Variants in ZBTB39 observed in about 807,000 individuals in gnomAD.
ZBTB39 encodes zinc finger and BTB domain containing 39, also known as zinc finger and BTB domain-containing protein 39.
ZBTB39 carries 25 observed loss-of-function variants against 39.4 expected under a neutral mutation model. That is an observed-to-expected ratio of 0.63 (90% CI 0.46 to 0.89). ZBTB39 has a LOEUF of 0.89. Among genes scored for constraint, ZBTB39 ranks in the 40% least tolerant of loss-of-function variants. The pLI, the probability that ZBTB39 is intolerant of heterozygous loss-of-function variation, is 0.00. For synonymous variants in ZBTB39, 373 were observed against 359.6 expected (o/e 1.04, Z -0.42); for missense variants, 891 against 909.7 (o/e 0.98, Z 0.26).
At position 57,004,605 on chromosome 12, in the gene ZBTB39, C is replaced by T; in HGVS notation, c.313G>A (p.Val105Ile). The T allele has an allele frequency of 1.2e-6, 2 of 1,614,214 alleles. No homozygotes were observed. Among genetic ancestry groups the T allele is most frequent in the Non-Finnish European group, 1.7e-6 (2 of 1,180,044 alleles). The part of the protein sequence containing the change: ...DLINVGVIYE[V>I]AERLGMEDLL... ...TCCTCCATACCCAGACGCTCAGCTA[C>T]CTCGTAGATGACCCCAACATTGATC... Residue 105 changes from valine (V) to isoleucine (I), a missense_variant, in exon 2 of 2, where the codon GTA (valine) becomes ATA (isoleucine). Val to Ile is a conservative substitution (Grantham distance 29, BLOSUM62 3). Transcript: ENST00000300101.
rs776681889 is a variant in ZBTB39 at position 57,003,979 on chromosome 12, T to G, written c.939A>C (p.Ile313=). 6.2e-7 allele frequency: 1 copy of G among 1,614,256 alleles called. No homozygotes were observed. Among genetic ancestry groups the G allele is most frequent in the Non-Finnish European group, 8.5e-7 (1 of 1,180,048 alleles). The change falls in exon 2 of 2, where the codon ATA becomes ATC. Residue 313 remains isoleucine (I), a synonymous_variant. Transcript: ENST00000300101. This position sits in a 1 kb window ranked among gnomAD's most constrained non-coding sequence, Gnocchi z 4.8. ...DLQFEDPAED[I]GTTEEVIELS... is the part of the protein sequence containing the mutation. ...GCTCAATCACCTCCTCAGTTGTGCC[T>G]ATATCCTCAGCAGGGTCTTCAAACT... is the stretch of plus-strand genomic sequence containing the variant.
Position 57,003,323 on chromosome 12 carries a change from C to T in ZBTB39, c.1595G>A (p.Ser532Asn), listed in dbSNP as rs1956222049. 6.2e-7 allele frequency: 1 copy of T among 1,613,882 alleles called. No individual in the cohort carries two copies. Among genetic ancestry groups the T allele is most frequent in the South Asian group, 1.1e-5 (1 of 91,026 alleles). The change falls in exon 2 of 2, where the codon AGT (serine) becomes AAT (asparagine). Residue 532 changes from serine to asparagine, a missense_variant. Coordinates refer to ENST00000300101, the MANE Select transcript of ZBTB39 (RefSeq NM_014830.3). The surrounding 1 kb of genome is among the most constrained non-coding windows in gnomAD (Gnocchi z 4.8). ...GCAGTGGAAGAGGGCGTCTTCCAGA[C>T]TTTGGTGCACAGCCATGTGCTTCTC... ...LLEKHMAVHQ[S>N]LEDALFHCRL...
Position 57,002,774 on chromosome 12 carries a change from C to T in ZBTB39, c.*5G>A. The T allele has an allele frequency of 6.2e-7, 1 of 1,609,686 alleles. No homozygotes were observed. On this transcript the variant is annotated 3_prime_UTR_variant, in exon 2 of 2. Coordinates refer to ENST00000300101, the MANE Select transcript of ZBTB39 (RefSeq NM_014830.3). ...GGAGCTCCCCGTGGCTCTGCCGGGA[C>T]CCAGTCAACTGTCCGGGTTCTTATC...
In ZBTB39 at chr12:57,003,409, G is replaced by A. The variant is rs144805149; in HGVS notation, c.1509C>T (p.Leu503=). 3.3e-5 allele frequency: 54 copies of A among 1,614,220 alleles called. No individual in the cohort carries two copies. Among genetic ancestry groups the A allele is most frequent in the Non-Finnish European group, 3.9e-5 (46 of 1,180,042 alleles). The change falls in exon 2 of 2, where the codon CTC becomes CTT. Residue 503 remains leucine (L), a synonymous_variant. Coordinates refer to ENST00000300101, the MANE Select transcript of ZBTB39 (RefSeq NM_014830.3). This position sits in a 1 kb window ranked among gnomAD's most constrained non-coding sequence, Gnocchi z 4.8. Reference sequence around the variant, plus strand: ...CAGAACAGGAGAAGACTGAGATGCCGAGATGGGACAGCGTGTGCCACATGA... The same window carrying A: ...CAGAACAGGAGAAGACTGAGATGCCAAGATGGGACAGCGTGTGCCACATGA... The part of the protein sequence containing the change: ...CSLMWHTLSH[L]GISVFSCSVC...
chr12:57,004,191 A>G lies in ZBTB39; in HGVS notation c.727T>C (p.Ser243Pro), dbSNP rs778110582. The G allele has an allele frequency of 2.5e-6, 4 of 1,614,030 alleles. No individual in the cohort carries two copies. The highest frequency in any genetic ancestry group is 3.4e-6 in the Non-Finnish European group (4 of 1,180,016). ...CTTTGAACTTTGTATGGCTGGCAGG[A>G]GCTCGTGCTGGTCTGGATGCCCGTG... ...VSTGIQTSTS[S>P]CQPYKVQSNG... The change falls in exon 2 of 2, where the codon TCC (serine) becomes CCC (proline). Residue 243 changes from serine to proline, a missense_variant. Physicochemically the swap from Ser to Pro is moderately conservative, Grantham distance 74 (BLOSUM62 -1). Coordinates refer to ENST00000300101, the MANE Select transcript of ZBTB39 (RefSeq NM_014830.3).
chr12:57,004,654 G>A lies in ZBTB39; in HGVS notation c.264C>T (p.Tyr88=). ...TCAGGTCTGTGAAGAGTTCTGAAGT[G>A]TAGACAAAGCTCAGAACCTTCTCAA... The part of the protein sequence containing the change: ...ANFEKVLSFV[Y]TSELFTDLIN... The change falls in exon 2 of 2, where the codon TAC becomes TAT. Residue 88 remains tyrosine, a synonymous_variant. Coordinates refer to ENST00000300101, the MANE Select transcript of ZBTB39 (RefSeq NM_014830.3). 6.2e-7 allele frequency: 1 copy of A among 1,614,252 alleles called. No homozygotes were observed. The highest frequency in any genetic ancestry group is 8.5e-7 in the Non-Finnish European group (1 of 1,180,046).
chr12:57,001,258 T>C lies in ZBTB39; in HGVS notation c.*1521A>G, dbSNP rs1956208407. The C allele has an allele frequency of 6.5e-6, 1 of 152,754 alleles. No homozygotes were observed. Among genetic ancestry groups the C allele is most frequent in the East Asian group, 1.9e-4 (1 of 5,190 alleles). The allele number at this position is 152,754 out of a possible 1,614,324, so 9.5% of individuals were successfully genotyped here. ...TATACAAAAGAGATGCTGGGTAATG[T>C]GTATACAAAAACAAAAATAAATAAA... On this transcript the variant is annotated 3_prime_UTR_variant, in exon 2 of 2. Transcript: ENST00000300101.
At position 57,002,944 on chromosome 12, in the gene ZBTB39, G is replaced by A; in HGVS notation, c.1974C>T (p.Ala658=). 2 of 1,614,228 alleles carry A rather than the reference G, an allele frequency of 1.2e-6. No individual in the cohort carries two copies. Among genetic ancestry groups the A allele is most frequent in the Non-Finnish European group, 1.7e-6 (2 of 1,180,048 alleles). The change falls in exon 2 of 2, where the codon GCC becomes GCT. Residue 658 remains alanine (A), a synonymous_variant. Coordinates refer to ENST00000300101, the MANE Select transcript of ZBTB39 (RefSeq NM_014830.3). ...IKCHLKTHSG[A]LMYRCTVCGH... The stretch of plus-strand genomic sequence containing the variant: ...CACAGACTGTGCAGCGGTACATGAG[G>A]GCCCCCGAGTGTGTCTTTAGGTGGC...
rs980117127 is a variant in ZBTB39 at position 57,001,690 on chromosome 12, C to G, written c.*1089G>C. 5 of 152,688 alleles carry G rather than the reference C, an allele frequency of 3.3e-5. No individual in the cohort carries two copies. Among genetic ancestry groups the G allele is most frequent in the African/African-American group, 9.7e-5 (4 of 41,350 alleles). The allele number at this position is 152,688 out of a possible 1,614,324, so 9.5% of individuals were successfully genotyped here. On this transcript the variant is annotated 3_prime_UTR_variant, in exon 2 of 2. Coordinates refer to ENST00000300101, the MANE Select transcript of ZBTB39 (RefSeq NM_014830.3). ...TGACAAAGCTCCGGCACTGTTAGCA[C>G]AAAGTAAACAGGTTACCCGACTAGG...
In ZBTB39 at chr12:57,003,873, T is replaced by G; in HGVS notation, c.1045A>C (p.Lys349Gln). 4 of 1,614,206 alleles carry G rather than the reference T, an allele frequency of 2.5e-6. No homozygotes were observed. Among genetic ancestry groups the G allele is most frequent in the Non-Finnish European group, 3.4e-6 (4 of 1,180,030 alleles). ...ENKAMPCQVC[K>Q]KVLEPNIQLI... ...TGAATGTTGGGCTCTAGAACTTTCT[T>G]GCACACCTGGCAGGGCATGGCCTTA... Residue 349 changes from lysine to glutamine, a missense_variant, in exon 2 of 2, where the codon AAG (lysine) becomes CAG (glutamine). Transcript: ENST00000300101. The surrounding 1 kb of genome is among the most constrained non-coding windows in gnomAD (Gnocchi z 4.8).
Position 57,002,173 on chromosome 12 carries a change from TG to T in ZBTB39, c.*605del, listed in dbSNP as rs995455115. On this transcript the variant is annotated 3_prime_UTR_variant, in exon 2 of 2. Coordinates refer to ENST00000300101, the MANE Select transcript of ZBTB39 (RefSeq NM_014830.3). ...TAAATAGAAAGCTCTGTGCCTAGTA[TG>T]GATCTAGCTGCCAAAAGATTTTCAC... The T allele has an allele frequency of 6.5e-6, 1 of 153,172 alleles. No individual in the cohort carries two copies. The highest frequency in any genetic ancestry group is 2.4e-5 in the African/African-American group (1 of 41,452). The allele number at this position is 153,172 out of a possible 1,614,324, so 9.5% of individuals were successfully genotyped here.
At position 57,004,111 on chromosome 12, in the gene ZBTB39, A is replaced by C. The variant is rs753395464; in HGVS notation, c.807T>G (p.Ile269Met). 1.2e-6 allele frequency: 2 copies of C among 1,614,176 alleles called. No homozygotes were observed. The highest frequency in any genetic ancestry group is 1.1e-5 in the South Asian group (1 of 91,080). The part of the protein sequence containing the change: ...SFLTPDNAVD[I>M]TTGTNSCLSN... Reference sequence around the variant, plus strand: ...TCAGACAGGAGTTGGTCCCAGTGGTAATGTCTACTGCATTGTCAGGGGTGA... The same window carrying C: ...TCAGACAGGAGTTGGTCCCAGTGGTCATGTCTACTGCATTGTCAGGGGTGA... Residue 269 changes from isoleucine to methionine, a missense_variant, in exon 2 of 2, where the codon ATT becomes ATG. Ile to Met is a conservative substitution (Grantham distance 10). Coordinates refer to ENST00000300101, the MANE Select transcript of ZBTB39 (RefSeq NM_014830.3).
chr12:57,004,111 A>G lies in ZBTB39; in HGVS notation c.807T>C (p.Ile269=), dbSNP rs753395464. 6.2e-7 allele frequency: 1 copy of G among 1,614,058 alleles called. No individual in the cohort carries two copies. Among genetic ancestry groups the G allele is most frequent in the Non-Finnish European group, 8.5e-7 (1 of 1,180,044 alleles). The part of the protein sequence containing the change: ...SFLTPDNAVD[I]TTGTNSCLSN... The stretch of plus-strand genomic sequence containing the variant: ...TCAGACAGGAGTTGGTCCCAGTGGT[A>G]ATGTCTACTGCATTGTCAGGGGTGA... The change falls in exon 2 of 2, where the codon ATT becomes ATC. Residue 269 remains isoleucine, a synonymous_variant. Transcript: ENST00000300101.
rs1956193612 is a variant in ZBTB39 at position 56,998,894 on chromosome 12, A to G, written c.*3885T>C. On this transcript the variant is annotated 3_prime_UTR_variant, in exon 2 of 2. Transcript: ENST00000300101. ...CACACTTTGTGCTGAACAATGGAAT[A>G]TAAAAGAATCAGATGTACAATGATT... 6.5e-6 allele frequency: 1 copy of G among 152,678 alleles called. No individual in the cohort carries two copies. The highest frequency in any genetic ancestry group is 1.5e-5 in the Non-Finnish European group (1 of 68,050). The allele number at this position is 152,678 out of a possible 1,614,324, so 9.5% of individuals were successfully genotyped here. A position where few individuals can be genotyped will look rare whatever the true frequency, so the allele number is the denominator to read the frequency against.
Position 57,004,606 on chromosome 12 carries a change from C to T in ZBTB39, c.312G>A (p.Glu104=). Reference sequence around the variant, plus strand: ...CCTCCATACCCAGACGCTCAGCTACCTCGTAGATGACCCCAACATTGATCA... The same window carrying T: ...CCTCCATACCCAGACGCTCAGCTACTTCGTAGATGACCCCAACATTGATCA... ...TDLINVGVIY[E]VAERLGMEDL... is the part of the protein sequence containing the mutation. Residue 104 remains glutamate (E), a synonymous_variant, in exon 2 of 2, where the codon GAG becomes GAA. Coordinates refer to ENST00000300101, the MANE Select transcript of ZBTB39 (RefSeq NM_014830.3). 1 of 1,614,200 alleles carries T rather than the reference C, an allele frequency of 6.2e-7. No individual in the cohort carries two copies. The highest frequency in any genetic ancestry group is 8.5e-7 in the Non-Finnish European group (1 of 1,180,030).
Position 57,003,038 on chromosome 12 carries a change from T to A in ZBTB39, c.1880A>T (p.His627Leu). 1 of 1,614,212 alleles carries A rather than the reference T, an allele frequency of 6.2e-7. No homozygotes were observed. The highest frequency in any genetic ancestry group is 8.5e-7 in the Non-Finnish European group (1 of 1,180,028). ...TSEFNYHRRI[H>L]TGEKPYQCKV... ...ACATTGGTATGGCTTCTCCCCCGTG[T>A]GGATCCGCCGGTGGTAGTTGAATTC... Residue 627 changes from histidine to leucine, a missense_variant, in exon 2 of 2, where the codon CAC becomes CTC. Transcript: ENST00000300101. The surrounding 1 kb of genome is among the most constrained non-coding windows in gnomAD (Gnocchi z 4.8).
rs1956233511 is a variant in ZBTB39 at position 57,004,487 on chromosome 12, G to A, written c.431C>T (p.Thr144Ile). Residue 144 changes from threonine (T) to isoleucine (I), a missense_variant, in exon 2 of 2, where the codon ACC becomes ATC. By Grantham distance (89) the Thr-to-Ile change is moderately conservative (BLOSUM62 -1). Transcript: ENST00000300101. ...AGGTTCTGCCGAAGGACAACTCAGG[G>A]TACCAGAGTGGCTCTCACTGGTGCT... Reference protein sequence around the residue: ...LTSTSESHSGTLSCPSAEPAH... With the variant: ...LTSTSESHSGILSCPSAEPAH... The A allele has an allele frequency of 6.2e-7, 1 of 1,614,204 alleles. No individual in the cohort carries two copies.
rs1211206009 is a variant in ZBTB39 at position 57,003,601 on chromosome 12, C to A, written c.1317G>T (p.Lys439Asn). The A allele has an allele frequency of 6.2e-7, 1 of 1,614,016 alleles. No homozygotes were observed. The highest frequency in any genetic ancestry group is 8.5e-7 in the Non-Finnish European group (1 of 1,179,950). The stretch of plus-strand genomic sequence containing the variant: ...AGGCTGCCCCTGAAAAGAGACCCAG[C>A]TTCCCTGGCAGGGGATCGTTGGGGT... Reference protein sequence around the residue: ...IVHPNDPLPGKLGLFSGAASP... With the variant: ...IVHPNDPLPGNLGLFSGAASP... The change falls in exon 2 of 2, where the codon AAG becomes AAT. Residue 439 changes from lysine to asparagine, a missense_variant. Transcript: ENST00000300101. The surrounding 1 kb of genome is among the most constrained non-coding windows in gnomAD (Gnocchi z 4.8).
In ZBTB39 at chr12:57,003,039, G is replaced by T; in HGVS notation, c.1879C>A (p.His627Asn). ...TSEFNYHRRI[H>N]TGEKPYQCKV... ...CATTGGTATGGCTTCTCCCCCGTGT[G>T]GATCCGCCGGTGGTAGTTGAATTCG... is the stretch of plus-strand genomic sequence containing the variant. Residue 627 changes from histidine to asparagine, a missense_variant, in exon 2 of 2, where the codon CAC becomes AAC. Physicochemically the swap from His to Asn is moderately conservative, Grantham distance 68. Transcript: ENST00000300101. This position sits in a 1 kb window ranked among gnomAD's most constrained non-coding sequence, Gnocchi z 4.8. The T allele has an allele frequency of 6.2e-7, 1 of 1,607,542 alleles. No homozygotes were observed. The highest frequency in any genetic ancestry group is 8.5e-7 in the Non-Finnish European group (1 of 1,177,238).
Sources: allele counts gnomAD v4.1 joint callset, GRCh38; gene constraint gnomAD v4.1.1; non-coding constraint Gnocchi (gnomAD v3.1); transcripts MANE v1.5; gene names NCBI Gene and HGNC (gene_info 2026-07-23, HGNC 2026-07-21).